The following ATP6V1B2 variants were observed in gnomAD, a reference collection of about 807,000 sequenced individuals.
The protein encoded by ATP6V1B2 is ATPase H+ transporting V1 subunit B2.
Under a neutral mutation model 66.7 loss-of-function variants are expected in ATP6V1B2, and 23 were observed. That is an observed-to-expected ratio of 0.34 (90% confidence interval 0.25 to 0.49). ATP6V1B2 has a LOEUF of 0.49. ATP6V1B2 is among the 20% of genes least tolerant of loss of function. The pLI is 0.99. For missense variants in ATP6V1B2, 478 were observed against 650.8 expected (o/e 0.73, Z 2.89); for synonymous variants, 278 against 236.7 (o/e 1.17, Z -1.60).
chr8:20,212,237 C>T (rs2072802392), intron 8 of ATP6V1B2, 38 bp downstream of exon 8: 8 of 1,587,516 alleles, frequency 5.0e-6, no homozygotes, highest in East Asian at 4.5e-5. Context: ...GGCCCAGACT[C>T]GGGATCAAAA....
At chr8:20,199,679 A>G (rs1422947242) in intron 1 of ATP6V1B2, among the ~76,000 whole-genome samples, 2 of 129,940 alleles carry the variant, frequency 1.5e-5, no homozygotes, top group Non-Finnish European at 3.1e-5. Context: ...GGCGCGATCT[A>G]GGCTCGCTGC....
At chr8:20,204,577 A>T in intron 2 of ATP6V1B2, 38 bp downstream of exon 2, 2 of 1,555,564 alleles carry the variant, frequency 1.3e-6, no homozygotes, top group Non-Finnish European at 1.8e-6. Flanking sequence ...TTATGTAGTT[A>T]AAAATGTGGC....
At chr8:20,204,398 T>C (rs986259179) in intron 1 of ATP6V1B2, 86 bp from the exon 2 acceptor site, 1 of 1,204,918 alleles carries the variant, frequency 8.3e-7, no homozygotes. Context: ...CATGATAACG[T>C]AGAAAGGATT....
At chr8:20,201,147 G>C (rs2072681997) in intron 1 of ATP6V1B2, among the ~76,000 whole-genome samples, 2 of 152,154 alleles carry the variant, frequency 1.3e-5, no homozygotes, top group African/African-American at 4.8e-5. Context: ...AGACATTTTG[G>C]TTGTAAAATA....
chr8:20,220,506 T>C lies in ATP6V1B2; in HGVS notation c.*104T>C. 1.4e-6 allele frequency: 2 copies of C among 1,402,002 alleles called. No homozygotes were observed. Among genetic ancestry groups the C allele is most frequent in the Non-Finnish European group, 9.4e-7 (1 of 1,064,356 alleles). 86.8% of individuals were successfully genotyped at this position (1,402,002 alleles called of 1,614,324 possible). ...ACCTTTGTGTTGGAGTTTACCATGT[T>C]ACCCTGTAATTAAAAACAAAGAATA... On this transcript the variant is annotated 3_prime_UTR_variant, in exon 14 of 14. Coordinates refer to ENST00000276390, the MANE Select transcript of ATP6V1B2 (RefSeq NM_001693.4).
Position 20,209,454 on chromosome 8 carries a change from G to C in ATP6V1B2, c.214G>C (p.Val72Leu). The change falls in exon 3 of 14, where the codon GTC becomes CTC. Residue 72 changes from valine (V) to leucine (L), a missense_variant. Val to Leu is a conservative substitution (Grantham distance 32). Around this residue, in one of 2 missense-constraint regions of ATP6V1B2, gnomAD observed 152 missense variants for 105.2 expected, o/e 1.44. Transcript: ENST00000276390. ...HVKFPRYAEI[V>L]HLTLPDGTKR... ...TTAGTTTCCCAGGTATGCTGAAATTGTCCATTTGACCTTACCGGATGGCAC... is the reference window on the plus strand; with the variant it reads ...TTAGTTTCCCAGGTATGCTGAAATTCTCCATTTGACCTTACCGGATGGCAC... 2 of 1,613,908 alleles carry C rather than the reference G, an allele frequency of 1.2e-6. No individual in the cohort carries two copies. Among genetic ancestry groups the C allele is most frequent in the Non-Finnish European group, 1.7e-6 (2 of 1,179,916 alleles).
intron 2 of ATP6V1B2, among the ~76,000 whole-genome samples, chr8:20,209,079 A>T (rs151045226): frequency 2.0e-5 from 3 of 152,284 alleles, no homozygotes; most frequent in African/African-American, 7.2e-5. Flanking sequence ...CACACAGCCT[A>T]GAAAGCAATC....
intron 6 of ATP6V1B2, 145 bp from the exon 7 acceptor site, chr8:20,211,507 G>T: frequency 7.9e-7 from 1 of 1,270,708 alleles, no homozygotes; most frequent in Admixed American, 3.0e-5. Context: ...TTTGCAAAAA[G>T]TACAAAATAG....
In ATP6V1B2 at chr8:20,211,080, G is replaced by A. The variant is rs1346869835; in HGVS notation, c.464-97G>A. 3 of 1,476,106 alleles carry A rather than the reference G, an allele frequency of 2.0e-6. No homozygotes were observed. The African/African-American group carries it at 4.4e-5, about 21-fold the overall frequency. The allele number at this position is 1,476,106 out of a possible 1,614,324, so 91.4% of individuals were successfully genotyped here. On this transcript the variant is annotated intron_variant, in intron 5 of 13. Transcript: ENST00000276390. ...ATGCTTTATGTAGTTCTGGTCTTCT[G>A]GTGCTTTTTCTTTTCTTTTAATTTG...
At chr8:20,210,546 C>T (rs1179295370) in intron 4 of ATP6V1B2, 23 bp from the exon 5 acceptor site, 2 of 1,612,080 alleles carry the variant, frequency 1.2e-6, no homozygotes, top group Non-Finnish European at 1.7e-6. Flanking sequence ...TCTACTCTGT[C>T]CTGTCTTCTT....
chr8:20,201,452 T>A (rs2072686605), intron 1 of ATP6V1B2, among the ~76,000 whole-genome samples: 1 of 152,216 alleles, frequency 6.6e-6, no homozygotes, highest in South Asian at 2.1e-4. Context: ...ATCATTCTGC[T>A]TGGTTTTCTT....
intron 2 of ATP6V1B2, among the ~76,000 whole-genome samples, chr8:20,205,590 T>C (rs1187013418): frequency 1.3e-5 from 2 of 152,230 alleles, no homozygotes; most frequent in Non-Finnish European, 2.9e-5. Context: ...ATCATTTTTA[T>C]GTAGTTGTAG....
At chr8:20,209,759 A>C (rs2072774620) in intron 3 of ATP6V1B2, among the ~76,000 whole-genome samples, 1 of 152,226 alleles carries the variant, frequency 6.6e-6, no homozygotes, top group African/African-American at 2.4e-5. Flanking sequence ...TTAAGTAGTC[A>C]TGTAGAAGGA....
chr8:20,220,447 T>C lies in ATP6V1B2; in HGVS notation c.*45T>C. On this transcript the variant is annotated 3_prime_UTR_variant, in exon 14 of 14. Transcript: ENST00000276390. ...CCGCGCTCTTGTGAAATACTGGTTC[T>C]GTTTTCTTTATTCCTTTTGCACTCT... 6.7e-7 allele frequency: 1 copy of C among 1,501,414 alleles called. No individual in the cohort carries two copies. The highest frequency in any genetic ancestry group is 8.8e-7 in the Non-Finnish European group (1 of 1,131,304). 93.0% of individuals were successfully genotyped at this position (1,501,414 alleles called of 1,614,324 possible).
intron 2 of ATP6V1B2, 69 bp from the exon 3 acceptor site, chr8:20,209,364 A>C: frequency 5.2e-5 from 74 of 1,436,882 alleles, no homozygotes; most frequent in Non-Finnish European, 6.9e-5. Flanking sequence ...TGGGAGAGAC[A>C]GAGCATGTGT....
intron 11 of ATP6V1B2, chr8:20,216,760 C>T (rs2072858307): frequency 3.1e-6 from 1 of 321,992 alleles, no homozygotes; most frequent in African/African-American, 2.1e-5. Flanking sequence ...AATTCTGTTC[C>T]ATAATGGTAT....
At chr8:20,210,820 A>C (rs1328160690) in intron 5 of ATP6V1B2, among the ~76,000 whole-genome samples, 174 bp downstream of exon 5, 2 of 152,060 alleles carry the variant, frequency 1.3e-5, no homozygotes, top group African/African-American at 4.8e-5. Flanking sequence ...ATTATCGTAA[A>C]ATTTTATGTA....
At chr8:20,200,718 C>G (rs938668306) in intron 1 of ATP6V1B2, among the ~76,000 whole-genome samples, 1 of 152,146 alleles carries the variant, frequency 6.6e-6, no homozygotes, top group Non-Finnish European at 1.5e-5. Flanking sequence ...TCTTGAGACC[C>G]TAGATCAACT....
At chr8:20,216,794 A>AG in intron 11 of ATP6V1B2, 1 of 280,508 alleles carries the variant, frequency 3.6e-6, no homozygotes, top group Non-Finnish European at 6.7e-6. Context: ...TGTTATTGAT[A>AG]GAAAAAAATG....
Sources: allele counts gnomAD v4.1 joint callset (sites outside exome capture counted in the v4.1 genomes callset), GRCh38; gene constraint gnomAD v4.1.1; regional missense constraint gnomAD v4.1.1; transcripts MANE v1.5; gene names NCBI Gene and HGNC (gene_info 2026-07-23, HGNC 2026-07-21).